CNTLN: variants seen among roughly 807,000 people sequenced by gnomAD.
CNTLN encodes the protein centlein, centrosomal protein.
In CNTLN, 212 loss-of-function variants were observed where a neutral mutation model predicts 180.0. The ratio of observed to expected loss-of-function variants is 1.18; its 90% CI spans 1.05 to 1.32. CNTLN has a LOEUF of 1.32. Among genes scored for constraint, CNTLN ranks in the 40% most tolerant of loss-of-function variants. The pLI is 0.00. For missense variants in CNTLN, 2,095 were observed against 1,610.9 expected, an observed-to-expected ratio of 1.30 and a Z score of -5.14; for synonymous variants, 722 against 563.1, an observed-to-expected ratio of 1.28 and a Z score of -3.99.
At chr9:17,159,756 A>G (rs1819549089) in intron 2 of CNTLN, among the ~76,000 whole-genome samples, 1 of 152,184 alleles carries the variant, frequency 6.6e-6, no homozygotes, top group African/African-American at 2.4e-5. Context: ...GGAAAGGTGG[A>G]AGGAGGCAGT....
chr9:17,305,481 A>C (rs1759465), intron 7 of CNTLN, among the ~76,000 whole-genome samples: 27,058 of 151,744 alleles, frequency 0.18, 2,732 homozygotes, highest in South Asian at 0.28. Flanking sequence ...ATGCAGATGA[A>C]TGAATTTATC....
intron 18 of CNTLN, among the ~76,000 whole-genome samples, chr9:17,419,955 C>T (rs1472534802): frequency 6.6e-6 from 1 of 152,164 alleles, no homozygotes; most frequent in African/African-American, 2.4e-5. Flanking sequence ...CACTCTGTCA[C>T]CCAGGCTGGA....
chr9:17,341,465 G>T (rs1158413246), intron 11 of CNTLN, among the ~76,000 whole-genome samples: 3 of 152,032 alleles, frequency 2.0e-5, no homozygotes, highest in African/African-American at 7.2e-5. Context: ...GAATGAATTG[G>T]CGGTCTCAGT....
At position 17,371,316 on chromosome 9, in the gene CNTLN, G is replaced by A. The variant is rs570778052; in HGVS notation, c.1987+4599G>A. Among the ~76,000 whole-genome samples, 6 of 152,218 alleles carry A rather than the reference G, an allele frequency of 3.9e-5. No individual in the cohort carries two copies. In the South Asian group the frequency reaches 1.2e-3, roughly 32 times the overall value. ...GCCAGTACAAACCAAAGAAGAGCAG[G>A]AGTAGCTATACTTATATCAGACCAA... is the stretch of plus-strand genomic sequence containing the variant. On this transcript the variant is annotated intron_variant, in intron 13 of 25. Coordinates refer to ENST00000380647, the MANE Select transcript of CNTLN (RefSeq NM_017738.4).
chr9:17,203,220 G>C (rs1822674737), intron 2 of CNTLN, among the ~76,000 whole-genome samples: 1 of 152,174 alleles, frequency 6.6e-6, no homozygotes, highest in South Asian at 2.1e-4. Flanking sequence ...TAGTCTGATA[G>C]GCTGCCCTTT....
chr9:17,182,441 G>C (rs1261876441), intron 2 of CNTLN, among the ~76,000 whole-genome samples: 1 of 152,054 alleles, frequency 6.6e-6, no homozygotes, highest in Non-Finnish European at 1.5e-5. Context: ...CCCCACTTCA[G>C]AGTTTTCTCA....
chr9:17,157,784 A>G (rs934393565), intron 2 of CNTLN, among the ~76,000 whole-genome samples: 3 of 152,246 alleles, frequency 2.0e-5, no homozygotes, highest in Non-Finnish European at 2.9e-5. Context: ...GTGAATAAGT[A>G]TAAGAAAATG....
At chr9:17,461,122 A>G (rs938863643) in intron 19 of CNTLN, among the ~76,000 whole-genome samples, 1 of 151,556 alleles carries the variant, frequency 6.6e-6, no homozygotes, top group African/African-American at 2.4e-5. Flanking sequence ...ATTATAGTAT[A>G]GTGATAATAT....
downstream of CNTLN, among the ~76,000 whole-genome samples, chr9:17,507,959 T>G (rs1833963068): frequency 6.6e-6 from 1 of 152,214 alleles, no homozygotes; most frequent in African/African-American, 2.4e-5. Flanking sequence ...GTGGTGCCCC[T>G]GCCTTCTGTA....
intron 14 of CNTLN, among the ~76,000 whole-genome samples, chr9:17,392,231 C>T (rs1346977077): frequency 6.6e-6 from 1 of 152,106 alleles, no homozygotes; most frequent in Non-Finnish European, 1.5e-5. Flanking sequence ...AGCCATGGCA[C>T]TCCAGCCTGG....
At chr9:17,255,069 C>T (rs1333444803) in intron 5 of CNTLN, among the ~76,000 whole-genome samples, 1 of 151,560 alleles carries the variant, frequency 6.6e-6, no homozygotes, top group African/African-American at 2.4e-5. Context: ...ATTTCCTTTT[C>T]TGGTTATTCA....
chr9:17,428,826 A>G (rs1829244978), intron 18 of CNTLN, among the ~76,000 whole-genome samples: 1 of 152,044 alleles, frequency 6.6e-6, no homozygotes, highest in African/African-American at 2.4e-5. Context: ...TATAGGAAGG[A>G]AAGTTATTTT....
chr9:17,480,643 CAG>C (rs1832594625), intron 23 of CNTLN, among the ~76,000 whole-genome samples: 1 of 152,204 alleles, frequency 6.6e-6, no homozygotes, highest in Admixed American at 6.5e-5. Context: ...AATTCAAAAA[CAG>C]AAAAATTGTT....
At chr9:17,369,986 GA>G (rs113484510) in intron 13 of CNTLN, among the ~76,000 whole-genome samples, 2,475 of 109,866 alleles carry the variant, frequency 0.023, 71 homozygotes, top group African/African-American at 0.073. Flanking sequence ...ACTCCATCTC[GA>G]AAAAAAAAAA....
chr9:17,376,423 CT>C (rs1043581112), intron 13 of CNTLN, among the ~76,000 whole-genome samples: 3 of 151,290 alleles, frequency 2.0e-5, no homozygotes, highest in Admixed American at 6.6e-5. Flanking sequence ...ATAACCATCT[CT>C]TTTTTTTCTT....
At chr9:17,402,540 T>G (rs1044969361) in intron 15 of CNTLN, among the ~76,000 whole-genome samples, 11 of 151,808 alleles carry the variant, frequency 7.2e-5, no homozygotes, top group African/African-American at 2.7e-4. Flanking sequence ...TTGTTATGTG[T>G]TTTTGGATGA....
chr9:17,270,547 C>A (rs1310242929), intron 5 of CNTLN, among the ~76,000 whole-genome samples: 1 of 152,060 alleles, frequency 6.6e-6, no homozygotes, highest in Non-Finnish European at 1.5e-5. Flanking sequence ...GTGATATTGC[C>A]CTGAAATGTT....
chr9:17,473,172 AG>A (rs1832123196), intron 23 of CNTLN, among the ~76,000 whole-genome samples: 7 of 152,170 alleles, frequency 4.6e-5, no homozygotes, highest in Admixed American at 4.6e-4. Flanking sequence ...CAAGAACTTC[AG>A]GTGGGCTCTC....
At chr9:17,342,037 T>C (rs1186485774) in intron 11 of CNTLN, among the ~76,000 whole-genome samples, 1 of 152,186 alleles carries the variant, frequency 6.6e-6, no homozygotes, top group Non-Finnish European at 1.5e-5. Flanking sequence ...GTTAAAATTC[T>C]ACAGTGTCTG....
Sources: gnomAD v4.1 joint callset for allele counts (sites outside exome capture counted in the v4.1 genomes callset) on GRCh38, gnomAD v4.1.1 for gene constraint, MANE v1.5 for transcripts, NCBI Gene and HGNC (gene_info 2026-07-23, HGNC 2026-07-21) for gene names.